The following DLD variants were observed in gnomAD, a reference collection of about 807,000 sequenced individuals.
DLD encodes the protein dihydrolipoyl dehydrogenase, mitochondrial.
Under a neutral mutation model 62.2 loss-of-function variants are expected in DLD, and 36 were observed. That is an observed-to-expected ratio of 0.58 (90% confidence interval 0.44 to 0.76). The LOEUF is 0.76. Ranked by LOEUF, DLD falls within the 30% of genes least tolerant of loss-of-function variation. DLD has a pLI of 0.00. For missense variants in DLD, 541 were observed against 608.6 expected (o/e 0.89, Z 1.17); for synonymous variants, 204 against 199.6 (o/e 1.02, Z -0.19).
chr7:107,913,017 G>A (rs1215115465), intron 8 of DLD, among the ~76,000 whole-genome samples: 4 of 152,038 alleles, frequency 2.6e-5, no homozygotes, highest in Admixed American at 6.6e-5. Flanking sequence ...TTCCGCATAC[G>A]GTTATCCAGT....
chr7:107,904,882 A>T (rs765021539), intron 5 of DLD, 76 bp from the exon 6 acceptor site: 4 of 1,036,680 alleles, frequency 3.9e-6, no homozygotes, highest in Non-Finnish European at 5.9e-6. Context: ...GAAATTTTCC[A>T]GTTGGTGAGT....
intron 1 of DLD, among the ~76,000 whole-genome samples, chr7:107,892,021 G>A (rs1272372839): frequency 3.3e-5 from 5 of 152,204 alleles, no homozygotes; most frequent in South Asian, 2.1e-4. Flanking sequence ...AGGAACCTGA[G>A]TTCTCAAAAG....
At chr7:107,899,866 T>C (rs1030399714) in intron 2 of DLD, among the ~76,000 whole-genome samples, 3 of 151,978 alleles carry the variant, frequency 2.0e-5, no homozygotes, top group Admixed American at 1.3e-4. Context: ...AGAAAAGACA[T>C]TAAAAATTCA....
In DLD at chr7:107,915,508, T is replaced by C. The variant is rs373115216; in HGVS notation, c.687T>C (p.Gly229=). Residue 229 remains glycine (G), a splice_region_variant and synonymous_variant, in exon 9 of 14, where the codon GGT becomes GGC. Transcript: ENST00000205402. ...IGAGVIGVEL[G]SVWQRLGADV... ...GGGTTTTTTTAATTTATTTGCAGGGTTCAGTTTGGCAAAGACTTGGTGCAG... is the reference window on the plus strand; with the variant it reads ...GGGTTTTTTTAATTTATTTGCAGGGCTCAGTTTGGCAAAGACTTGGTGCAG... 6.2e-7 allele frequency: 1 copy of C among 1,613,630 alleles called. No homozygotes were observed. The highest frequency in any genetic ancestry group is 1.3e-5 in the African/African-American group (1 of 74,872).
At chr7:107,907,665 T>C (rs1392043074) in intron 8 of DLD, among the ~76,000 whole-genome samples, 2 of 152,242 alleles carry the variant, frequency 1.3e-5, no homozygotes, top group East Asian at 3.8e-4. Context: ...TTGTGATTTT[T>C]ATTCTTGTAT....
In DLD at chr7:107,900,635, C is replaced by T. The variant is rs148947292; in HGVS notation, c.119-1103C>T. ...TAGTATTGAATAATGGAAAGACCAC[C>T]GGAAGTAGAGTCAAAAAGCTTAGTT... is the stretch of plus-strand genomic sequence containing the variant. On this transcript the variant is annotated intron_variant, in intron 2 of 13. Coordinates refer to ENST00000205402, the MANE Select transcript of DLD (RefSeq NM_000108.5). Among the ~76,000 whole-genome samples the T allele has an allele frequency of 4.4e-3, 675 of 152,104 alleles. 6 individuals are homozygous for T. The highest frequency in any genetic ancestry group is 0.015 in the African/African-American group (636 of 41,504).
intron 6 of DLD, 121 bp from the exon 7 acceptor site, chr7:107,905,240 A>G (rs1368741870): frequency 1.0e-5 from 12 of 1,143,284 alleles, no homozygotes; most frequent in Non-Finnish European, 1.5e-5. Flanking sequence ...ATGGTGTAGC[A>G]TTACTAAGTA....
At chr7:107,901,174 G>A (rs1017351394) in intron 2 of DLD, among the ~76,000 whole-genome samples, 1 of 151,966 alleles carries the variant, frequency 6.6e-6, no homozygotes, top group Non-Finnish European at 1.5e-5. Flanking sequence ...CAGAAGTTAA[G>A]GACCTGAAAA....
intron 8 of DLD, among the ~76,000 whole-genome samples, chr7:107,915,186 AT>A (rs1294502766): frequency 2.0e-5 from 3 of 152,066 alleles, no homozygotes; most frequent in African/African-American, 7.2e-5. Context: ...TCTGTTATGA[AT>A]TTTACATATT....
chr7:107,891,627 G>C (rs140612158), intron 1 of DLD: 54 of 500,110 alleles, frequency 1.1e-4, no homozygotes, highest in Non-Finnish European at 1.8e-4. Context: ...AGCCACCCAT[G>C]TCCCGTATAG....
chr7:107,913,995 C>G (rs1164724773), intron 8 of DLD, among the ~76,000 whole-genome samples: 1 of 151,896 alleles, frequency 6.6e-6, no homozygotes, highest in Non-Finnish European at 1.5e-5. Flanking sequence ...GGTTTTTGTT[C>G]TTGGTTCTGT....
chr7:107,907,383 A>G (rs1584466304), intron 8 of DLD, among the ~76,000 whole-genome samples: 1 of 152,148 alleles, frequency 6.6e-6, no homozygotes, highest in Admixed American at 6.5e-5. Context: ...GGTCTCTGCA[A>G]TGGCCATTTT....
At chr7:107,916,029 T>C (rs991870068) in intron 9 of DLD, among the ~76,000 whole-genome samples, 1 of 152,216 alleles carries the variant, frequency 6.6e-6, no homozygotes, top group South Asian at 2.1e-4. Flanking sequence ...ACTATATGTC[T>C]GGTACTCTAC....
intron 1 of DLD, chr7:107,891,555 C>T (rs2031575121): frequency 1.7e-6 from 1 of 592,402 alleles, no homozygotes; most frequent in Non-Finnish European, 3.0e-6. Context: ...CATGCCACAC[C>T]CCCAAGCCTG....
At position 107,920,966 on chromosome 7, in the gene DLD, T is replaced by C. The variant is rs2032396477; in HGVS notation, c.*1707T>C. 1 of 152,356 alleles carries C rather than the reference T, an allele frequency of 6.6e-6. No homozygotes were observed. Among genetic ancestry groups the C allele is most frequent in the Non-Finnish European group, 1.5e-5 (1 of 68,038 alleles). The allele number at this position is 152,356 out of a possible 1,614,324, so 9.4% of individuals were successfully genotyped here. On this transcript the variant is annotated 3_prime_UTR_variant, in exon 14 of 14. Transcript: ENST00000205402. ...ATTATTGGAAGTGAACTCTGCATCT[T>C]TTTAAAAATTTGAAATCCCGGTATC...
chr7:107,899,896 A>G (rs976787160), intron 2 of DLD, among the ~76,000 whole-genome samples: 6 of 152,054 alleles, frequency 3.9e-5, no homozygotes, highest in African/African-American at 1.4e-4. Flanking sequence ...CCTGTTTTGT[A>G]GCTTGTATTT....
At chr7:107,915,364 G>A in intron 8 of DLD, 142 bp from the exon 9 acceptor site, 1 of 791,426 alleles carries the variant, frequency 1.3e-6, no homozygotes, top group African/African-American at 1.7e-5. Context: ...TTTAACACAG[G>A]GTCAATTTTA....
chr7:107,893,305 T>C (rs1170643539), intron 2 of DLD, 27 bp downstream of exon 2: 2 of 1,558,924 alleles, frequency 1.3e-6, no homozygotes, highest in African/African-American at 2.7e-5. Context: ...AACATTTTTT[T>C]CATCACATTA....
chr7:107,902,309 T>C lies in DLD; in HGVS notation c.199-16T>C. On this transcript the variant is annotated splice_polypyrimidine_tract_variant and intron_variant, in intron 3 of 13. Transcript: ENST00000205402. ...TGAGGTTATGTGCAGTTAAATAATG[T>C]TTTCTTTGGTTGTAGACAGTCTGCA... is the stretch of plus-strand genomic sequence containing the variant. The C allele has an allele frequency of 6.2e-7, 1 of 1,610,890 alleles. No homozygotes were observed.
Sources: allele counts gnomAD v4.1 joint callset (sites outside exome capture counted in the v4.1 genomes callset), GRCh38; gene constraint gnomAD v4.1.1; transcripts MANE v1.5; gene names NCBI Gene and HGNC (gene_info 2026-07-23, HGNC 2026-07-21).